LYPD6B: variants seen among roughly 807,000 people sequenced by gnomAD.
LYPD6B encodes the protein ly6/PLAUR domain-containing protein 6B.
A neutral mutation model predicts 22.8 loss-of-function variants in LYPD6B; 17 were observed. That is an observed-to-expected ratio of 0.75 (90% CI 0.51 to 1.12). The LOEUF is 1.12. Ranked by LOEUF, LYPD6B falls within the 50% of genes most tolerant of loss-of-function variation. The pLI, the probability that LYPD6B is intolerant of heterozygous loss-of-function variation, is 0.00. For synonymous variants in LYPD6B, 106 were observed against 91.6 expected, an observed-to-expected ratio of 1.16 and a Z score of -0.90; for missense variants, 221 against 258.3, an observed-to-expected ratio of 0.86 and a Z score of 0.99.
At chr2:149,182,141 CA>C (rs1691777488) in intron 3 of LYPD6B, among the ~76,000 whole-genome samples, 1 of 152,166 alleles carries the variant, frequency 6.6e-6, no homozygotes, top group South Asian at 2.1e-4. Flanking sequence ...CTAATTTAAG[CA>C]CCTTATATTT....
At chr2:149,082,849 C>CA (rs1685198812) in intron 1 of LYPD6B, among the ~76,000 whole-genome samples, 1 of 152,156 alleles carries the variant, frequency 6.6e-6, no homozygotes, top group South Asian at 2.1e-4. Flanking sequence ...AAAAGCTTGT[C>CA]AGCGGAACCT....
At chr2:149,103,147 A>T (rs1016598366) in intron 1 of LYPD6B, among the ~76,000 whole-genome samples, 1 of 152,162 alleles carries the variant, frequency 6.6e-6, no homozygotes, top group African/African-American at 2.4e-5. Flanking sequence ...AACTCAAGGC[A>T]TTGTTTTCAG....
chr2:149,058,571 T>A (rs1053587772), intron 1 of LYPD6B, among the ~76,000 whole-genome samples: 1 of 152,226 alleles, frequency 6.6e-6, no homozygotes. Flanking sequence ...GGAATTTGTG[T>A]TTATGGAGTC....
chr2:149,097,800 G>A (rs1685975659), intron 1 of LYPD6B, among the ~76,000 whole-genome samples: 1 of 152,194 alleles, frequency 6.6e-6, no homozygotes, highest in South Asian at 2.1e-4. Flanking sequence ...GCAGCTTTGG[G>A]AAAAGTCAAT....
intron 1 of LYPD6B, among the ~76,000 whole-genome samples, chr2:149,099,428 T>TATACCTAGGATCCTTGGTCCCCTC: frequency 7.1e-6 from 1 of 140,472 alleles, no homozygotes; most frequent in South Asian, 2.4e-4. Context: ...CTAGGATCCT[T>TATACCTAGGATCCTTGGTCCCCTC]GTACCTAGGA....
At chr2:149,072,507 A>G (rs1343480758) in intron 1 of LYPD6B, among the ~76,000 whole-genome samples, 2 of 145,490 alleles carry the variant, frequency 1.4e-5, no homozygotes, top group Admixed American at 7.1e-5. Context: ...ATTTTATTTT[A>G]TTTTATTTTA....
chr2:149,078,179 T>A (rs988029627), intron 1 of LYPD6B, among the ~76,000 whole-genome samples: 1 of 152,168 alleles, frequency 6.6e-6, no homozygotes. Context: ...GAATCCCATT[T>A]GTAGCAGCAG....
intron 5 of LYPD6B, 77 bp from the exon 6 acceptor site, chr2:149,212,915 T>A (rs1440326225): frequency 5.5e-6 from 8 of 1,447,216 alleles, no homozygotes; most frequent in African/African-American, 2.8e-5. Flanking sequence ...GCATTAATTG[T>A]TAAGAGATCT....
intron 2 of LYPD6B, among the ~76,000 whole-genome samples, chr2:149,139,495 T>G (rs2105759025): frequency 6.6e-6 from 1 of 152,288 alleles, no homozygotes; most frequent in African/African-American, 2.4e-5. Flanking sequence ...AGGTAAAGGC[T>G]GTAAGCATAC....
intron 3 of LYPD6B, among the ~76,000 whole-genome samples, chr2:149,186,526 A>G (rs10930646): frequency 0.83 from 126,348 of 152,222 alleles, 54,133 homozygotes; most frequent in South Asian, 0.97. Context: ...GGTGCTGATG[A>G]AGAAGCTGCA....
At chr2:149,078,876 C>T (rs1377308238) in intron 1 of LYPD6B, among the ~76,000 whole-genome samples, 2 of 151,968 alleles carry the variant, frequency 1.3e-5, no homozygotes, top group African/African-American at 2.4e-5. Context: ...GGTGTGGTAG[C>T]TTGTGTCTGT....
intron 2 of LYPD6B, among the ~76,000 whole-genome samples, chr2:149,134,448 T>C (rs1688232616): frequency 6.6e-6 from 1 of 152,216 alleles, no homozygotes; most frequent in Non-Finnish European, 1.5e-5. Context: ...CTAAACTCTT[T>C]ATCGCTTCTA....
intron 1 of LYPD6B, among the ~76,000 whole-genome samples, chr2:149,096,480 T>G (rs1685909810): frequency 6.6e-6 from 1 of 152,214 alleles, no homozygotes; most frequent in Non-Finnish European, 1.5e-5. Context: ...TTAAATTTCT[T>G]TAGTTTCCAC....
chr2:149,206,867 A>G (rs1693537491), intron 4 of LYPD6B, among the ~76,000 whole-genome samples: 1 of 152,152 alleles, frequency 6.6e-6, no homozygotes, highest in Non-Finnish European at 1.5e-5. Flanking sequence ...TGTCTTCTAC[A>G]TTTAAAAAAA....
In LYPD6B at chr2:149,215,257, T is replaced by A. The variant is rs897017305; in HGVS notation, c.*547T>A. ...GAAATAAAGCTTTTAAATTATACAA[T>A]GTAAATGCATGCTTGTGTGTTTCTT... On this transcript the variant is annotated 3_prime_UTR_variant, in exon 7 of 7. Coordinates refer to ENST00000409642, the MANE Select transcript of LYPD6B (RefSeq NM_177964.5). The A allele has an allele frequency of 5.8e-5, 9 of 154,116 alleles. No individual in the cohort carries two copies. Among genetic ancestry groups the A allele is most frequent in the African/African-American group, 2.2e-4 (9 of 41,580 alleles). The allele number at this position is 154,116 out of a possible 1,614,324, so 9.5% of individuals were successfully genotyped here.
At chr2:149,162,895 A>T (rs998465682) in intron 3 of LYPD6B, among the ~76,000 whole-genome samples, 1 of 152,152 alleles carries the variant, frequency 6.6e-6, no homozygotes, top group Admixed American at 6.5e-5. Flanking sequence ...ACAAGAAGTT[A>T]TATCCTTGAC....
chr2:149,051,398 C>T (rs1400488356), intron 1 of LYPD6B, among the ~76,000 whole-genome samples: 3 of 151,900 alleles, frequency 2.0e-5, no homozygotes, highest in Admixed American at 6.6e-5. Context: ...ATCTCCTGAC[C>T]TCATGATCCA....
intron 1 of LYPD6B, among the ~76,000 whole-genome samples, chr2:149,125,738 C>G (rs1056015049): frequency 6.6e-5 from 10 of 152,152 alleles, no homozygotes; most frequent in African/African-American, 2.4e-4. Flanking sequence ...TTTACCATCA[C>G]AGTGTAAATA....
At chr2:149,091,334 A>G (rs980486159) in intron 1 of LYPD6B, among the ~76,000 whole-genome samples, 2 of 150,704 alleles carry the variant, frequency 1.3e-5, no homozygotes, top group Non-Finnish European at 3.0e-5. Context: ...GGTTATGTAT[A>G]AAGATTGAAA....
Sources: gnomAD v4.1 joint callset for allele counts (sites outside exome capture counted in the v4.1 genomes callset) on GRCh38, gnomAD v4.1.1 for gene constraint, MANE v1.5 for transcripts, NCBI Gene and HGNC (gene_info 2026-07-23, HGNC 2026-07-21) for gene names.